The following GRID2IP variants were observed in gnomAD, a reference collection of about 807,000 sequenced individuals.
GRID2IP encodes the protein delphilin.
GRID2IP carries 78 observed loss-of-function variants against 114.3 expected under a neutral mutation model. That is an observed-to-expected ratio of 0.68 (90% CI 0.57 to 0.82). GRID2IP has a LOEUF of 0.82. Ranked by LOEUF, GRID2IP falls within the 40% of genes least tolerant of loss-of-function variation. GRID2IP has a pLI of 0.00. For synonymous variants in GRID2IP, 809 were observed against 724.0 expected (o/e 1.12, Z -1.89); for missense variants, 1,727 against 1,678.5 (o/e 1.03, Z -0.51).
intron 18 of GRID2IP, 68 bp downstream of exon 18, chr7:6,502,718 G>T: frequency 1.7e-6 from 2 of 1,159,668 alleles, no homozygotes; most frequent in Non-Finnish European, 2.5e-6. Context: ...CCACAACTGA[G>T]CTAGGCCTGG....
chr7:6,503,659 G>A lies in GRID2IP; in HGVS notation c.2739C>T (p.Ser913=). The part of the protein sequence containing the change: ...TSILLAHLKL[S]PAELRQVLMS... Reference sequence around the variant, plus strand: ...TCAGCACCTGGCGCAGCTCCGCGGGGCTCAGCTTCAGGTGTGCCAAGAGGA... The same window carrying A: ...TCAGCACCTGGCGCAGCTCCGCGGGACTCAGCTTCAGGTGTGCCAAGAGGA... The change falls in exon 16 of 22, where the codon AGC becomes AGT. Residue 913 remains serine, a synonymous_variant. Transcript: ENST00000457091. The A allele has an allele frequency of 1.3e-6, 2 of 1,514,384 alleles. No individual in the cohort carries two copies. The highest frequency in any genetic ancestry group is 8.8e-7 in the Non-Finnish European group (1 of 1,138,178). 93.8% of individuals were successfully genotyped at this position (1,514,384 alleles called of 1,614,324 possible).
intron 7 of GRID2IP, among the ~76,000 whole-genome samples, chr7:6,518,025 A>T (rs1779344021): frequency 6.6e-6 from 1 of 151,790 alleles, no homozygotes; most frequent in Non-Finnish European, 1.5e-5. Context: ...TGAGCCCAGG[A>T]GTTCAAGACC....
At chr7:6,503,213 C>A in intron 16 of GRID2IP, 50 bp from the exon 17 acceptor site, 2 of 1,138,122 alleles carry the variant, frequency 1.8e-6, no homozygotes, top group East Asian at 8.1e-5. Context: ...CTGGGACCCT[C>A]TGCCCCACCG....
intron 1 of GRID2IP, among the ~76,000 whole-genome samples, chr7:6,540,261 C>G (rs545266252): frequency 2.7e-5 from 4 of 147,308 alleles, no homozygotes; most frequent in African/African-American, 1.0e-4. Context: ...TACAGGCATG[C>G]GCCACCACGC....
At position 6,528,310 on chromosome 7, in the gene GRID2IP, C is replaced by G. The variant is rs1417868535; in HGVS notation, c.585-1541G>C. The stretch of plus-strand genomic sequence containing the variant: ...CAGGAGATCCACCAGCAGCCTAACC[C>G]CATCTCTGAGTAATGGCAGCAGTTA... On this transcript the variant is annotated intron_variant, in intron 2 of 21. Coordinates refer to ENST00000457091, the MANE Select transcript of GRID2IP (RefSeq NM_001145118.2). The surrounding 1 kb of genome is among the most constrained non-coding windows in gnomAD (Gnocchi z 6.0). Among the ~76,000 whole-genome samples the G allele has an allele frequency of 1.3e-5, 2 of 152,178 alleles. No individual in the cohort carries two copies. The highest frequency in any genetic ancestry group is 2.9e-5 in the Non-Finnish European group (2 of 68,032).
intron 1 of GRID2IP, among the ~76,000 whole-genome samples, chr7:6,549,447 T>C (rs1222263597): frequency 1.3e-5 from 2 of 152,208 alleles, no homozygotes. Context: ...ACCTGCAGTC[T>C]ATCACAGCCT....
intron 2 of GRID2IP, chr7:6,531,136 A>T (rs1406165652): frequency 3.8e-6 from 2 of 521,462 alleles, no homozygotes; most frequent in African/African-American, 2.0e-5. Context: ...GCAGGTGCCG[A>T]AGGGCAGGGG....
chr7:6,514,670 G>T (rs896666574), intron 7 of GRID2IP, 141 bp from the exon 8 acceptor site: 8 of 704,960 alleles, frequency 1.1e-5, no homozygotes, highest in Non-Finnish European at 1.5e-5. Flanking sequence ...CAGAAGTGGG[G>T]GCCGGGCACA....
At chr7:6,548,160 C>G (rs148578592) in intron 1 of GRID2IP, among the ~76,000 whole-genome samples, 2,300 of 152,260 alleles carry the variant, frequency 0.015, 30 homozygotes, top group Middle Eastern at 0.051. Flanking sequence ...CAAGACCAGC[C>G]TGGACAACAT....
intron 20 of GRID2IP, among the ~76,000 whole-genome samples, chr7:6,498,968 C>T (rs190475791): frequency 1.3e-5 from 2 of 152,064 alleles, no homozygotes; most frequent in Admixed American, 6.6e-5. Context: ...AGTGAAAGCT[C>T]GCTCCCTCCT....
chr7:6,508,429 G>A lies in GRID2IP; in HGVS notation c.2128-28C>T, dbSNP rs1206986644. Reference sequence around the variant, plus strand: ...GGTGGTGGGGAGAGAGGCAAGGGGAGGGTGAGGCTGGGCCCAGAGAGACTA... The same window carrying A: ...GGTGGTGGGGAGAGAGGCAAGGGGAAGGTGAGGCTGGGCCCAGAGAGACTA... On this transcript the variant is annotated intron_variant, in intron 12 of 21. Transcript: ENST00000457091. The surrounding 1 kb of genome is among the most constrained non-coding windows in gnomAD (Gnocchi z 5.6). The A allele has an allele frequency of 2.6e-6, 4 of 1,550,442 alleles. No homozygotes were observed. The highest frequency in any genetic ancestry group is 3.5e-6 in the Non-Finnish European group (4 of 1,146,946).
At chr7:6,527,610 G>C (rs776835806) in intron 2 of GRID2IP, among the ~76,000 whole-genome samples, 1 of 152,178 alleles carries the variant, frequency 6.6e-6, no homozygotes. Context: ...TCTCTTGAGA[G>C]AGGGTCTTGC....
At chr7:6,497,908 T>C in intron 21 of GRID2IP, 63 bp from the exon 22 acceptor site, 1 of 1,454,984 alleles carries the variant, frequency 6.9e-7, no homozygotes, top group Non-Finnish European at 9.4e-7. Flanking sequence ...ACGCCTTCCC[T>C]GTCTCTTCCC....
At position 6,519,728 on chromosome 7, in the gene GRID2IP, G is replaced by A. The variant is rs559190076; in HGVS notation, c.1268+850C>T. On this transcript the variant is annotated intron_variant, in intron 7 of 21. Coordinates refer to ENST00000457091, the MANE Select transcript of GRID2IP (RefSeq NM_001145118.2). This position sits in a 1 kb window ranked among gnomAD's most constrained non-coding sequence, Gnocchi z 4.1. ...GCCGAGATCGCACCACTGCACTCCA[G>A]CCTGGGCAACGAGAGTGAAACACCA... Among the ~76,000 whole-genome samples the A allele has an allele frequency of 1.3e-5, 2 of 152,244 alleles. No individual in the cohort carries two copies. Among genetic ancestry groups the A allele is most frequent in the Admixed American group, 1.3e-4 (2 of 15,286 alleles).
chr7:6,501,726 T>C, intron 20 of GRID2IP, 55 bp downstream of exon 20: 2 of 1,355,372 alleles, frequency 1.5e-6, no homozygotes, highest in Admixed American at 2.0e-5. Flanking sequence ...CAGCCAGCTC[T>C]ACCCAACCAC....
chr7:6,505,833 G>C lies in GRID2IP; in HGVS notation c.2619C>G (p.Thr873=). Residue 873 remains threonine, a synonymous_variant, in exon 14 of 22, where the codon ACC becomes ACG. Transcript: ENST00000457091. ...KYLDLELHFG[T]QKPAKPVPGP... ...CAGGCCACTCACTAGCAGGTTTCTG[G>C]GTGCCGAAGTGGAGCTCCAGGTCGA... 6.4e-7 allele frequency: 1 copy of C among 1,551,406 alleles called. No individual in the cohort carries two copies.
intron 1 of GRID2IP, among the ~76,000 whole-genome samples, chr7:6,550,163 T>C (rs1289675597): frequency 1.3e-5 from 2 of 151,852 alleles, no homozygotes; most frequent in Non-Finnish European, 2.9e-5. Context: ...AGCTAGTTTT[T>C]GATTTTTTTT....
At position 6,516,938 on chromosome 7, in the gene GRID2IP, T is replaced by G. The variant is rs187618330; in HGVS notation, c.1269-2409A>C. On this transcript the variant is annotated intron_variant, in intron 7 of 21. Transcript: ENST00000457091. The surrounding 1 kb of genome is among the most constrained non-coding windows in gnomAD (Gnocchi z 4.3). Reference sequence around the variant, plus strand: ...CTCCATACCCTGCCCCTTTGCCTTGTACACAATAAATAACAGCACGGCCAG... The same window carrying G: ...CTCCATACCCTGCCCCTTTGCCTTGGACACAATAAATAACAGCACGGCCAG... Among the ~76,000 whole-genome samples, 5 of 152,156 alleles carry G rather than the reference T, an allele frequency of 3.3e-5. No homozygotes were observed. In the East Asian group the frequency reaches 9.7e-4, roughly 29 times the overall value.
rs572561398 is a variant in GRID2IP at position 6,510,082 on chromosome 7, G to A, written c.1771+201C>T. ...TGGGCTCCATTGATCCTCCTGCCTCGGCCTCCCAAAGTGCTGGGATTACAG... is the reference window on the plus strand; with the variant it reads ...TGGGCTCCATTGATCCTCCTGCCTCAGCCTCCCAAAGTGCTGGGATTACAG... On this transcript the variant is annotated intron_variant, in intron 11 of 21. Coordinates refer to ENST00000457091, the MANE Select transcript of GRID2IP (RefSeq NM_001145118.2). Among the ~76,000 whole-genome samples the A allele has an allele frequency of 3.3e-5, 5 of 152,104 alleles. No homozygotes were observed. In the East Asian group the frequency reaches 5.8e-4, roughly 18 times the overall value.
Sources: gnomAD v4.1 joint callset for allele counts (sites outside exome capture counted in the v4.1 genomes callset) on GRCh38, gnomAD v4.1.1 for gene constraint, Gnocchi (gnomAD v3.1) non-coding constraint, MANE v1.5 for transcripts, NCBI Gene and HGNC (gene_info 2026-07-23, HGNC 2026-07-21) for gene names.